Variants in ENO1 observed in about 807,000 individuals in gnomAD.
ENO1 encodes the protein alpha-enolase.
ENO1 carries 33 observed loss-of-function variants against 46.3 expected under a neutral mutation model. That is an observed-to-expected ratio of 0.71 (90% confidence interval 0.54 to 0.95). ENO1 has a LOEUF of 0.95. Ranked by LOEUF, ENO1 falls within the 40% of genes least tolerant of loss-of-function variation. The pLI is 0.00. For synonymous variants in ENO1, 220 were observed against 216.0 expected, an observed-to-expected ratio of 1.02 and a Z score of -0.16; for missense variants, 488 against 553.3, an observed-to-expected ratio of 0.88 and a Z score of 1.18.
chr1:8,862,540 CAG>C (rs1036692856), intron 11 of ENO1, among the ~76,000 whole-genome samples: 67 of 152,302 alleles, frequency 4.4e-4, no homozygotes, highest in African/African-American at 1.3e-3. Flanking sequence ...CATCCACAAA[CAG>C]GGGTTAAATG....
chr1:8,867,784 C>G (rs1642553783), intron 5 of ENO1, among the ~76,000 whole-genome samples: 1 of 152,098 alleles, frequency 6.6e-6, no homozygotes, highest in South Asian at 2.1e-4. Context: ...CCTGCCTCAG[C>G]CTCCTAAAGT....
At chr1:8,872,131 G>T in intron 2 of ENO1, 145 bp from the exon 3 acceptor site, 1 of 654,460 alleles carries the variant, frequency 1.5e-6, no homozygotes, top group Non-Finnish European at 2.7e-6. Flanking sequence ...GCTCTGGGCT[G>T]TTCTTCATGC....
intron 1 of ENO1, among the ~76,000 whole-genome samples, chr1:8,877,242 G>A (rs1321886116): frequency 2.6e-5 from 4 of 151,972 alleles, no homozygotes; most frequent in African/African-American, 9.7e-5. Context: ...GTGAGCCACC[G>A]CGCCTGGTCG....
chr1:8,865,802 C>A (rs1405963449), intron 7 of ENO1, among the ~76,000 whole-genome samples: 1 of 152,142 alleles, frequency 6.6e-6, no homozygotes, highest in Non-Finnish European at 1.5e-5. Context: ...GATCAGCTGT[C>A]CCAAGGCACA....
intron 11 of ENO1, among the ~76,000 whole-genome samples, chr1:8,861,899 A>G (rs56108805): frequency 6.6e-6 from 1 of 151,610 alleles, no homozygotes; most frequent in Non-Finnish European, 1.5e-5. Context: ...AAAAAAAAAA[A>G]AAGGCCAACA....
At chr1:8,865,063 C>T (rs1293098888) in intron 8 of ENO1, among the ~76,000 whole-genome samples, 2 of 152,170 alleles carry the variant, frequency 1.3e-5, no homozygotes, top group African/African-American at 4.8e-5. Context: ...TATGCAATGT[C>T]GCTGCTGGCA....
At chr1:8,868,152 T>C in intron 4 of ENO1, 95 bp from the exon 5 acceptor site, 1 of 888,890 alleles carries the variant, frequency 1.1e-6, no homozygotes, top group Non-Finnish European at 1.8e-6. Context: ...AACTGTGTAA[T>C]ATCAAAATCA....
intron 1 of ENO1, 82 bp from the exon 2 acceptor site, chr1:8,874,999 G>A: frequency 8.3e-7 from 1 of 1,202,930 alleles, no homozygotes; most frequent in Non-Finnish European, 1.2e-6. Context: ...CACTTCCGAG[G>A]TTCGTGGACT....
At chr1:8,867,493 C>A (rs1260482005) in intron 5 of ENO1, among the ~76,000 whole-genome samples, 1 of 152,212 alleles carries the variant, frequency 6.6e-6, no homozygotes, top group Non-Finnish European at 1.5e-5. Context: ...CAAAGCTCTT[C>A]TGAGTAACCA....
intron 1 of ENO1, chr1:8,875,948 A>T (rs1025834528): frequency 1.3e-5 from 2 of 152,130 alleles, no homozygotes; most frequent in African/African-American, 4.8e-5. Flanking sequence ...ATTTCTTCCC[A>T]ACGGGGTTTT....
chr1:8,873,660 G>A (rs545484651), intron 2 of ENO1: 1 of 152,350 alleles, frequency 6.6e-6, no homozygotes, highest in African/African-American at 2.4e-5. Context: ...AGCCAACTCA[G>A]GCATTCTTTT....
intron 8 of ENO1, 139 bp downstream of exon 8, chr1:8,865,146 G>C (rs1333693328): frequency 1.9e-6 from 2 of 1,043,290 alleles, no homozygotes; most frequent in East Asian, 5.1e-5. Flanking sequence ...ACCCAGTGGT[G>C]AATCCCCTAC....
chr1:8,864,239 C>T (rs1642466190), intron 8 of ENO1, 147 bp from the exon 9 acceptor site: 2 of 838,278 alleles, frequency 2.4e-6, no homozygotes, highest in Non-Finnish European at 4.0e-6. Context: ...CCAACTGATC[C>T]TTGAAACAAT....
At chr1:8,871,121 C>T (rs1642623788) in intron 3 of ENO1, 3 of 1,181,928 alleles carry the variant, frequency 2.5e-6, no homozygotes, top group Non-Finnish European at 3.1e-6. Flanking sequence ...CAAATGGTAA[C>T]ATGTTCGTGT....
intron 6 of ENO1, 100 bp downstream of exon 6, chr1:8,867,017 T>G: frequency 6.6e-7 from 1 of 1,507,136 alleles, no homozygotes; most frequent in Non-Finnish European, 9.0e-7. Context: ...GCTGGGAGAG[T>G]CACATGTGTT....
chr1:8,867,203 T>G lies in ENO1; in HGVS notation c.358A>C (p.Lys120Gln), dbSNP rs1642538892. 1.2e-6 allele frequency: 2 copies of G among 1,614,196 alleles called. No homozygotes were observed. The highest frequency in any genetic ancestry group is 2.7e-5 in the African/African-American group (2 of 75,068). The change falls in exon 6 of 12, where the codon AAA (lysine) becomes CAA (glutamine). Residue 120 changes from lysine to glutamine, a missense_variant. Coordinates refer to ENST00000234590, the MANE Select transcript of ENO1 (RefSeq NM_001428.5). ...AILGVSLAVC[K>Q]AGAVEKGVPL... ...ACCCCCTTCTCAACGGCACCAGCTT[T>G]GCAGACGGCAAGGGACACCCCCAGA... is the stretch of plus-strand genomic sequence containing the variant.
At chr1:8,865,248 T>C (rs1285682148) in intron 8 of ENO1, 37 bp downstream of exon 8, 9 of 1,607,148 alleles carry the variant, frequency 5.6e-6, no homozygotes, top group African/African-American at 1.3e-5. Context: ...TGCAGGTCAG[T>C]GGCAGGAAAG....
chr1:8,861,082 G>A lies in ENO1; in HGVS notation c.*278C>T, dbSNP rs1041648884. ...CCTGTGGCCACCCCGGAGATGACACGAGGCTCACATGACTCTAGACACTTG... is the reference window on the plus strand; with the variant it reads ...CCTGTGGCCACCCCGGAGATGACACAAGGCTCACATGACTCTAGACACTTG... On this transcript the variant is annotated 3_prime_UTR_variant, in exon 12 of 12. Coordinates refer to ENST00000234590, the MANE Select transcript of ENO1 (RefSeq NM_001428.5). The A allele has an allele frequency of 2.0e-5, 8 of 390,510 alleles. No individual in the cohort carries two copies. The highest frequency in any genetic ancestry group is 1.0e-4 in the African/African-American group (5 of 49,228). 24.2% of individuals were successfully genotyped at this position (390,510 alleles called of 1,614,324 possible). A position where few individuals can be genotyped will look rare whatever the true frequency, so the allele number is the denominator to read the frequency against.
rs1307122269 is a variant in ENO1, at chr1:8,867,126, C to A, written c.435G>T (p.Leu145=). The change falls in exon 6 of 12, where the codon CTG becomes CTT. Residue 145 remains leucine, a synonymous_variant. Coordinates refer to ENST00000234590, the MANE Select transcript of ENO1 (RefSeq NM_001428.5). Reference sequence around the variant, plus strand: ...CCAATAAACCACTCACCGGGACTGGCAGGATGACTTCAGAGTTGCCAGCCA... The same window carrying A: ...CCAATAAACCACTCACCGGGACTGGAAGGATGACTTCAGAGTTGCCAGCCA... ...ADLAGNSEVI[L]PVPAFNVING... 1 of 1,613,702 alleles carries A rather than the reference C, an allele frequency of 6.2e-7. No homozygotes were observed.
Sources: allele counts gnomAD v4.1 joint callset (sites outside exome capture counted in the v4.1 genomes callset), GRCh38; gene constraint gnomAD v4.1.1; transcripts MANE v1.5; gene names NCBI Gene and HGNC (gene_info 2026-07-23, HGNC 2026-07-21).